Variants in NFYC observed in about 807,000 individuals in gnomAD.
NFYC encodes the protein CAAT box DNA-binding protein subunit C.
In NFYC, 25 loss-of-function variants were observed where a neutral mutation model predicts 53.1. That is an observed-to-expected ratio of 0.47 (90% confidence interval 0.34 to 0.66). The LOEUF (loss-of-function observed/expected upper bound fraction) is 0.66. Ranked by LOEUF, NFYC falls within the 30% of genes least tolerant of loss-of-function variation. NFYC has a pLI of 0.01. For synonymous variants in NFYC, 145 were observed against 152.6 expected (o/e 0.95, Z 0.37); for missense variants, 260 against 422.7 (o/e 0.62, Z 3.38).
At chr1:40,694,509 G>A (rs1570262768) in intron 1 of NFYC, among the ~76,000 whole-genome samples, 1 of 152,232 alleles carries the variant, frequency 6.6e-6, no homozygotes, top group East Asian at 1.9e-4. Context: ...GGTTTGCCAT[G>A]TATTTTGTAC....
rs780359510 is a variant in NFYC, at chr1:40,770,744, G to A, written c.924G>A (p.Ala308=). 1.7e-5 allele frequency: 27 copies of A among 1,613,844 alleles called. No homozygotes were observed. The highest frequency in any genetic ancestry group is 1.6e-4 in the Middle Eastern group (1 of 6,084). ...AGATCCAGCAAGTCACCATGCCTGCGGGCCAGGACCTCGCCCAGCCCATGT... is the reference window on the plus strand; with the variant it reads ...AGATCCAGCAAGTCACCATGCCTGCAGGCCAGGACCTCGCCCAGCCCATGT... ...LYQIQQVTMP[A]GQDLAQPMFI... Residue 308 remains alanine (A), a synonymous_variant, in exon 10 of 10, where the codon GCG becomes GCA. Transcript: ENST00000447388. The surrounding 1 kb of genome is among the most constrained non-coding windows in gnomAD (Gnocchi z 5.3).
rs1005535066 is a variant in NFYC at position 40,763,341 on chromosome 1, A to G, written c.720+295A>G. The G allele has an allele frequency of 1.1e-4, 53 of 462,080 alleles. No homozygotes were observed. The Admixed American group carries it at 1.2e-3, about 11-fold the overall frequency. The allele number at this position is 462,080 out of a possible 1,614,324, so 28.6% of individuals were successfully genotyped here. On this transcript the variant is annotated intron_variant, in intron 7 of 9. Coordinates refer to ENST00000447388, the MANE Select transcript of NFYC (RefSeq NM_014223.5). ...ATAGAGATATATATCACACGCATGC[A>G]TAATCCTTTTTTTCTTTTTAGGAGA...
Position 40,759,559 on chromosome 1 carries a change from A to ATGTGTG in NFYC, c.561+1277_561+1282dup, listed in dbSNP as rs145020339. Among the ~76,000 whole-genome samples, 190 of 149,320 alleles carry ATGTGTG rather than the reference A, an allele frequency of 1.3e-3. No homozygotes were observed. In the South Asian group the frequency reaches 0.013, roughly 10 times the overall value. ...TCAAAAAAAAAACAAAAAAAAGTAT[A>ATGTGTG]TGTGTGTGTGTGTGTGTATGTGTGT... On this transcript the variant is annotated intron_variant, in intron 6 of 9. Coordinates refer to ENST00000447388, the MANE Select transcript of NFYC (RefSeq NM_014223.5).
chr1:40,725,174 A>G (rs1163216617), intron 1 of NFYC, among the ~76,000 whole-genome samples: 1 of 152,228 alleles, frequency 6.6e-6, no homozygotes. Context: ...CTGCATGACT[A>G]TATAAAAACC....
chr1:40,716,383 A>G (rs1644136673), intron 1 of NFYC, among the ~76,000 whole-genome samples: 1 of 152,212 alleles, frequency 6.6e-6, no homozygotes, highest in African/African-American at 2.4e-5. Context: ...TTCAAAAAGT[A>G]CATCTTGGGT....
At chr1:40,750,461 T>G (rs567662757) in intron 4 of NFYC, among the ~76,000 whole-genome samples, 106 of 152,354 alleles carry the variant, frequency 7.0e-4, no homozygotes, top group Non-Finnish European at 1.3e-3. Flanking sequence ...GGCACTTTTC[T>G]AGGCTCTGGG....
At chr1:40,732,019 G>A (rs920351326) in intron 1 of NFYC, among the ~76,000 whole-genome samples, 4 of 152,190 alleles carry the variant, frequency 2.6e-5, no homozygotes, top group African/African-American at 9.6e-5. Context: ...CATTAAGGGA[G>A]GACTTAACTT....
intron 1 of NFYC, among the ~76,000 whole-genome samples, chr1:40,699,984 C>T (rs534133786): frequency 1.3e-5 from 2 of 152,312 alleles, no homozygotes; most frequent in East Asian, 3.9e-4. Context: ...TGGTCATGGA[C>T]CGCTGTTTGT....
Position 40,722,103 on chromosome 1 carries a change from G to A in NFYC, c.-8-16733G>A, listed in dbSNP as rs1457375215. The stretch of plus-strand genomic sequence containing the variant: ...GGAGAATGGTGTGGACCCGGGAGGC[G>A]AAGCTTGCAGTGAGCCAAGATCATG... On this transcript the variant is annotated intron_variant, in intron 1 of 9. Coordinates refer to ENST00000447388, the MANE Select transcript of NFYC (RefSeq NM_014223.5). Among the ~76,000 whole-genome samples the A allele has an allele frequency of 3.9e-5, 6 of 152,096 alleles. No homozygotes were observed. In the South Asian group the frequency reaches 6.2e-4, roughly 16 times the overall value.
chr1:40,761,843 G>A (rs139087367), intron 6 of NFYC, among the ~76,000 whole-genome samples: 9 of 152,300 alleles, frequency 5.9e-5, no homozygotes, highest in African/African-American at 2.2e-4. Context: ...TTAATTCAAA[G>A]TGAGGAGAGA....
chr1:40,703,477 C>T (rs1643541786), intron 1 of NFYC, among the ~76,000 whole-genome samples: 1 of 10,780 alleles, frequency 9.3e-5, no homozygotes, highest in East Asian at 1.0e-3. Context: ...GGGCAATTAG[C>T]CCTAAAAAAA....
Position 40,770,637 on chromosome 1 carries a change from C to T in NFYC, c.889-72C>T. The T allele has an allele frequency of 1.2e-6, 2 of 1,614,136 alleles. No homozygotes were observed. Among genetic ancestry groups the T allele is most frequent in the Non-Finnish European group, 1.7e-6 (2 of 1,180,012 alleles). On this transcript the variant is annotated intron_variant, in intron 9 of 9. Transcript: ENST00000447388. This position sits in a 1 kb window ranked among gnomAD's most constrained non-coding sequence, Gnocchi z 5.3. ...TGAGGTATCTGGGACCCCCAACCAG[C>T]TCGAGACCCATAGGGAGCTGCATGC... is the stretch of plus-strand genomic sequence containing the variant.
chr1:40,720,754 GC>G (rs776604040), intron 1 of NFYC, among the ~76,000 whole-genome samples: 1 of 152,120 alleles, frequency 6.6e-6, no homozygotes, highest in Non-Finnish European at 1.5e-5. Flanking sequence ...TGTAGTCCCC[GC>G]TACTCAGGAG....
chr1:40,751,303 A>G (rs1008436074), intron 4 of NFYC, among the ~76,000 whole-genome samples: 1 of 152,268 alleles, frequency 6.6e-6, no homozygotes, highest in Non-Finnish European at 1.5e-5. Context: ...GATACAATGC[A>G]TTATTACCAC....
chr1:40,738,978 A>G (rs200496382), intron 2 of NFYC, 30 bp downstream of exon 2: 1 of 1,509,798 alleles, frequency 6.6e-7, no homozygotes, highest in Non-Finnish European at 9.2e-7. Context: ...TTTTATTAGA[A>G]ACTTTTAAAG....
At position 40,697,490 on chromosome 1, in the gene NFYC, A is replaced by C. The variant is rs192540840; in HGVS notation, c.-9+5623A>C. On this transcript the variant is annotated intron_variant, in intron 1 of 9. Transcript: ENST00000447388. ...TGTTTCAGGGAAAGATTGTTTCCTG[A>C]TCTCTTTTGTTCATCCCCAAGTGTT... Among the ~76,000 whole-genome samples the C allele has an allele frequency of 6.4e-4, 97 of 152,274 alleles. 2 individuals carry two copies. The East Asian group carries it at 0.011, about 17-fold the overall frequency.
Position 40,720,841 on chromosome 1 carries a change from C to T in NFYC, c.-8-17995C>T, listed in dbSNP as rs562217614. On this transcript the variant is annotated intron_variant, in intron 1 of 9. Coordinates refer to ENST00000447388, the MANE Select transcript of NFYC (RefSeq NM_014223.5). ...CCATGATTACGCCACTGCACTCCAG[C>T]GTGGGCAACAGAGCAAGACACTGTT... Among the ~76,000 whole-genome samples, 22 of 152,264 alleles carry T rather than the reference C, an allele frequency of 1.4e-4. No individual in the cohort carries two copies. The South Asian group carries it at 2.7e-3, about 19-fold the overall frequency.
At chr1:40,745,909 A>T (rs1029135732) in intron 2 of NFYC, among the ~76,000 whole-genome samples, 3 of 152,052 alleles carry the variant, frequency 2.0e-5, no homozygotes, top group Non-Finnish European at 4.4e-5. Flanking sequence ...GGGTCTCACT[A>T]TGTTGACCAG....
chr1:40,745,574 T>G (rs1336792044), intron 2 of NFYC, among the ~76,000 whole-genome samples: 2 of 152,184 alleles, frequency 1.3e-5, no homozygotes, highest in African/African-American at 2.4e-5. Context: ...GGCTGTGATT[T>G]TTTGTCTCTC....
Sources: allele counts gnomAD v4.1 joint callset (sites outside exome capture counted in the v4.1 genomes callset), GRCh38; gene constraint gnomAD v4.1.1; non-coding constraint Gnocchi (gnomAD v3.1); transcripts MANE v1.5; gene names NCBI Gene and HGNC (gene_info 2026-07-23, HGNC 2026-07-21).